The following STRN variants were observed in gnomAD, a reference collection of about 807,000 sequenced individuals.
STRN encodes protein phosphatase 2 regulatory subunit B'''alpha.
In STRN, 53 loss-of-function variants were observed where a neutral mutation model predicts 96.3. The observed-to-expected ratio is 0.55, with a 90% CI of 0.44 to 0.69. STRN has a LOEUF of 0.69. STRN is among the 30% of genes least tolerant of loss of function. STRN has a pLI of 0.00. For missense variants in STRN, 987 were observed against 963.9 expected, an observed-to-expected ratio of 1.02 and a Z score of -0.32; for synonymous variants, 428 against 355.9, an observed-to-expected ratio of 1.20 and a Z score of -2.28.
At chr2:36,893,136 T>A (rs1031632901) in intron 7 of STRN, among the ~76,000 whole-genome samples, 2 of 152,088 alleles carry the variant, frequency 1.3e-5, no homozygotes, top group African/African-American at 4.8e-5. Flanking sequence ...GTGCCAGTAA[T>A]AAAGCATAAA....
chr2:36,941,060 G>A (rs1406695268), intron 1 of STRN, among the ~76,000 whole-genome samples: 1 of 152,084 alleles, frequency 6.6e-6, no homozygotes, highest in Non-Finnish European at 1.5e-5. Context: ...AGGCTGAGGT[G>A]GGAGGATGAC....
At chr2:36,856,968 A>C (rs1054930382) in intron 14 of STRN, among the ~76,000 whole-genome samples, 2 of 152,108 alleles carry the variant, frequency 1.3e-5, no homozygotes, top group African/African-American at 4.8e-5. Flanking sequence ...CAGAAGCCAA[A>C]GAAAAGTTGC....
chr2:36,868,719 A>G (rs1244955847), intron 11 of STRN, among the ~76,000 whole-genome samples: 2 of 152,214 alleles, frequency 1.3e-5, no homozygotes, highest in African/African-American at 4.8e-5. Context: ...ATGACACAGC[A>G]TGAATGACAC....
chr2:36,935,254 A>T (rs1670674137), intron 1 of STRN, among the ~76,000 whole-genome samples: 1 of 152,170 alleles, frequency 6.6e-6, no homozygotes, highest in African/African-American at 2.4e-5. Context: ...GTCTGAGCCT[A>T]CACACACCAC....
intron 15 of STRN, among the ~76,000 whole-genome samples, chr2:36,853,460 C>G (rs192875160): frequency 3.9e-5 from 6 of 152,256 alleles, no homozygotes; most frequent in Admixed American, 2.0e-4. Context: ...GAAATCAAAT[C>G]ATGGAAACAG....
At chr2:36,946,370 G>A (rs754341893) in intron 1 of STRN, among the ~76,000 whole-genome samples, 36 of 152,100 alleles carry the variant, frequency 2.4e-4, no homozygotes, top group Non-Finnish European at 4.0e-4. Context: ...GAAATAACCA[G>A]TTAAGAGATA....
intron 5 of STRN, among the ~76,000 whole-genome samples, chr2:36,901,921 A>T (rs957584627): frequency 2.0e-5 from 3 of 152,204 alleles, no homozygotes; most frequent in Non-Finnish European, 2.9e-5. Context: ...AAGTGTCAAA[A>T]TAAAAGTCAT....
chr2:36,904,492 T>C (rs563149439), intron 4 of STRN, among the ~76,000 whole-genome samples: 3 of 152,174 alleles, frequency 2.0e-5, no homozygotes, highest in African/African-American at 4.8e-5. Flanking sequence ...CAACCCATCA[T>C]TGTTTACTCT....
chr2:36,884,178 T>C (rs186532674), intron 8 of STRN, 103 bp from the exon 9 acceptor site: 3 of 1,043,710 alleles, frequency 2.9e-6, no homozygotes, highest in Admixed American at 4.2e-5. Context: ...TCTGTCAATA[T>C]TTACCTTTAA....
chr2:36,896,831 T>C (rs2148192332), intron 6 of STRN, among the ~76,000 whole-genome samples: 1 of 152,308 alleles, frequency 6.6e-6, no homozygotes, highest in South Asian at 2.1e-4. Flanking sequence ...AGAGTTGTTA[T>C]TACACTTAAC....
chr2:36,865,194 T>A (rs1474534034), intron 12 of STRN, among the ~76,000 whole-genome samples: 1 of 152,268 alleles, frequency 6.6e-6, no homozygotes, highest in Admixed American at 6.5e-5. Context: ...AATTTCTTCC[T>A]GGTTTAGTCT....
intron 2 of STRN, among the ~76,000 whole-genome samples, chr2:36,918,594 A>G (rs927339576): frequency 1.3e-5 from 2 of 152,142 alleles, no homozygotes; most frequent in Admixed American, 6.5e-5. Flanking sequence ...ATATAACAAA[A>G]ACTGTGACAC....
At chr2:36,938,704 T>A (rs867824064) in intron 1 of STRN, among the ~76,000 whole-genome samples, 6 of 152,328 alleles carry the variant, frequency 3.9e-5, no homozygotes, top group Middle Eastern at 3.4e-3. Context: ...AACTATTTGA[T>A]ATCTTTTAAC....
At chr2:36,953,962 T>G (rs999853049) in intron 1 of STRN, among the ~76,000 whole-genome samples, 2 of 152,020 alleles carry the variant, frequency 1.3e-5, no homozygotes, top group Non-Finnish European at 2.9e-5. Context: ...TGCCTATGAA[T>G]AGTCACTGCA....
chr2:36,866,082 T>C (rs921169126), intron 12 of STRN, among the ~76,000 whole-genome samples: 1 of 152,172 alleles, frequency 6.6e-6, no homozygotes, highest in African/African-American at 2.4e-5. Flanking sequence ...CTATTATTTA[T>C]TTATTTGAGA....
intron 1 of STRN, among the ~76,000 whole-genome samples, chr2:36,940,720 C>A (rs1670823865): frequency 1.3e-5 from 2 of 151,552 alleles, no homozygotes; most frequent in African/African-American, 2.4e-5. Context: ...GCCTGTAGTC[C>A]CAGCTATTCG....
chr2:36,896,468 A>C (rs889068439), intron 6 of STRN, among the ~76,000 whole-genome samples: 6 of 152,188 alleles, frequency 3.9e-5, no homozygotes, highest in African/African-American at 1.4e-4. Context: ...GTTTGTAATA[A>C]TAAGCATGTA....
chr2:36,956,714 G>C (rs1470308789), intron 1 of STRN, among the ~76,000 whole-genome samples: 1 of 152,126 alleles, frequency 6.6e-6, no homozygotes, highest in East Asian at 1.9e-4. Flanking sequence ...AAAACTGTAG[G>C]TCTCCCTTTA....
In STRN at chr2:36,842,364, C is replaced by T. The variant is rs1022642260; in HGVS notation, c.*7092G>A. On this transcript the variant is annotated 3_prime_UTR_variant, in exon 18 of 18. Coordinates refer to ENST00000263918, the MANE Select transcript of STRN (RefSeq NM_003162.4). The stretch of plus-strand genomic sequence containing the variant: ...TTTATGATGGCATAAGAAATTATAG[C>T]ACATAAATTAATAACACTATAGTAC... 4.6e-5 allele frequency: 7 copies of T among 152,058 alleles called. No homozygotes were observed. Among genetic ancestry groups the T allele is most frequent in the African/African-American group, 1.7e-4 (7 of 41,418 alleles). 9.4% of individuals were successfully genotyped at this position (152,058 alleles called of 1,614,324 possible). A position where few individuals can be genotyped will look rare whatever the true frequency, so the allele number is the denominator to read the frequency against.
Sources: allele counts gnomAD v4.1 joint callset (sites outside exome capture counted in the v4.1 genomes callset), GRCh38; gene constraint gnomAD v4.1.1; transcripts MANE v1.5; gene names NCBI Gene and HGNC (gene_info 2026-07-23, HGNC 2026-07-21).